ATP8A1: variants seen among roughly 807,000 people sequenced by gnomAD.
ATP8A1 encodes the protein ATPase phospholipid transporting 8A1.
A neutral mutation model predicts 177.7 loss-of-function variants in ATP8A1; 90 were observed. The observed-to-expected ratio is 0.51, with a 90% CI of 0.43 to 0.60. ATP8A1 has a LOEUF of 0.60. ATP8A1 is among the 20% of genes least tolerant of loss of function. The probability of loss-of-function intolerance (pLI) is 0.00; values close to 1 mark genes in which losing one functional copy is unlikely to be tolerated. For missense variants in ATP8A1, 1,072 were observed against 1,392.8 expected, an observed-to-expected ratio of 0.77 and a Z score of 3.67; for synonymous variants, 493 against 485.9, an observed-to-expected ratio of 1.01 and a Z score of -0.19.
At chr4:42,561,613 A>G (rs1218454297) in intron 15 of ATP8A1, 1 of 152,244 alleles carries the variant, frequency 6.6e-6, no homozygotes, top group East Asian at 1.9e-4. Flanking sequence ...GAATTGGATG[A>G]GGTCTGTCTC....
intron 23 of ATP8A1, among the ~76,000 whole-genome samples, chr4:42,505,832 G>A (rs1724306513): frequency 6.6e-6 from 1 of 152,122 alleles, no homozygotes; most frequent in Non-Finnish European, 1.5e-5. Flanking sequence ...GTGGAGTTTT[G>A]TATGTAATAT....
chr4:42,642,321 G>T (rs1328040310), intron 1 of ATP8A1, among the ~76,000 whole-genome samples: 1 of 152,184 alleles, frequency 6.6e-6, no homozygotes, highest in African/African-American at 2.4e-5. Flanking sequence ...GAGAATGGGT[G>T]TGGCTCTGGG....
intron 22 of ATP8A1, among the ~76,000 whole-genome samples, chr4:42,507,780 T>TTA (rs1724557433): frequency 5.6e-5 from 1 of 17,700 alleles, no homozygotes. Flanking sequence ...ACAGGCATTC[T>TTA]AAAAAAAAAA....
intron 7 of ATP8A1, 106 bp downstream of exon 7, chr4:42,590,705 T>C: frequency 1.9e-6 from 2 of 1,033,104 alleles, no homozygotes; most frequent in Non-Finnish European, 2.9e-6. Context: ...AAAGTTTGTG[T>C]TTTAAAGGAA....
intron 1 of ATP8A1, among the ~76,000 whole-genome samples, chr4:42,642,767 A>T (rs1740138358): frequency 6.6e-6 from 1 of 152,190 alleles, no homozygotes; most frequent in African/African-American, 2.4e-5. Flanking sequence ...TGCTACTACT[A>T]CTAATTAGAA....
intron 15 of ATP8A1, among the ~76,000 whole-genome samples, chr4:42,567,689 A>G (rs996407435): frequency 7.2e-5 from 11 of 152,240 alleles, no homozygotes. Flanking sequence ...GGAGTTACCT[A>G]GTTTAGAATA....
intron 4 of ATP8A1, among the ~76,000 whole-genome samples, chr4:42,623,490 T>A (rs892339659): frequency 2.6e-5 from 4 of 152,156 alleles, no homozygotes; most frequent in Non-Finnish European, 5.9e-5. Context: ...GCGGTACATA[T>A]ACACCACGGA....
intron 5 of ATP8A1, among the ~76,000 whole-genome samples, chr4:42,615,261 A>C (rs778801164): frequency 6.6e-6 from 1 of 152,210 alleles, no homozygotes; most frequent in Non-Finnish European, 1.5e-5. Context: ...GGTGAAAAAG[A>C]AGCAGGGAAT....
chr4:42,455,420 C>G lies in ATP8A1; in HGVS notation c.2695-1G>C. 5.6e-6 allele frequency: 9 copies of G among 1,613,862 alleles called. No homozygotes were observed. The highest frequency in any genetic ancestry group is 7.6e-6 in the Non-Finnish European group (9 of 1,179,790). On this transcript the variant is annotated splice_acceptor_variant, in intron 28 of 36. Transcript: ENST00000381668. LOFTEE classifies it high-confidence loss of function. ...TTAAAGGAGGCATTGCTGTAAACAT[C>G]TAAAGCGCACAAACTGGTCATTATG...
intron 25 of ATP8A1, among the ~76,000 whole-genome samples, chr4:42,484,592 TATAAAAAGC>T (rs1312672250): frequency 6.6e-6 from 1 of 152,168 alleles, no homozygotes; most frequent in East Asian, 1.9e-4. Flanking sequence ...ACAAAAGAGG[TATAAAAAGC>T]ATAACTTTAT....
chr4:42,559,444 G>A (rs922610557), intron 15 of ATP8A1, among the ~76,000 whole-genome samples: 18 of 152,292 alleles, frequency 1.2e-4, no homozygotes, highest in African/African-American at 3.9e-4. Context: ...AAATTTAAAT[G>A]TATCATTGTG....
rs77492633 is a variant in ATP8A1 at position 42,512,092 on chromosome 4, G to T, written c.1948-4938C>A. Among the ~76,000 whole-genome samples, 31 of 152,340 alleles carry T rather than the reference G, an allele frequency of 2.0e-4. No homozygotes were observed. The East Asian group carries it at 5.2e-3, about 26-fold the overall frequency. On this transcript the variant is annotated intron_variant, in intron 22 of 36. Coordinates refer to ENST00000381668, the MANE Select transcript of ATP8A1 (RefSeq NM_006095.2). ...GAAAAATTGTACCAGGCACTGCTAA[G>T]TGCTTTACATTTAGTAATTCAGTTA...
chr4:42,486,541 C>T (rs528742985), intron 24 of ATP8A1, among the ~76,000 whole-genome samples: 27 of 152,254 alleles, frequency 1.8e-4, no homozygotes, highest in Admixed American at 1.6e-3. Flanking sequence ...ACTTTTTACA[C>T]GACCATGCAA....
chr4:42,637,149 G>A (rs746909052), intron 1 of ATP8A1: 15 of 518,798 alleles, frequency 2.9e-5, no homozygotes, highest in East Asian at 5.4e-5. Flanking sequence ...TACCTCAACC[G>A]CTAGCTGGCT....
At chr4:42,494,809 A>G (rs1723099496) in intron 24 of ATP8A1, among the ~76,000 whole-genome samples, 1 of 152,210 alleles carries the variant, frequency 6.6e-6, no homozygotes, top group Non-Finnish European at 1.5e-5. Flanking sequence ...GACCACATCA[A>G]TGTATGTATT....
At chr4:42,503,413 T>G (rs567652036) in intron 24 of ATP8A1, 37 bp downstream of exon 24, 90 of 1,208,122 alleles carry the variant, frequency 7.4e-5, no homozygotes, top group Non-Finnish European at 9.5e-5. Flanking sequence ...ATGAATATAT[T>G]ATTAAAGGAG....
Position 42,444,564 on chromosome 4 carries a change from A to T in ATP8A1, c.3015+14T>A, listed in dbSNP as rs752279050. ...AATGTGACATTTCTTGGTTGTGGTT[A>T]GATATTTTCTTACCCATGTCCAATA... On this transcript the variant is annotated intron_variant, in intron 32 of 36. Transcript: ENST00000381668. 13 of 1,611,012 alleles carry T rather than the reference A, an allele frequency of 8.1e-6. No homozygotes were observed. The South Asian group carries it at 1.4e-4, about 18-fold the overall frequency.
intron 33 of ATP8A1, among the ~76,000 whole-genome samples, chr4:42,426,711 G>A (rs145495772): frequency 8.1e-4 from 123 of 152,278 alleles, no homozygotes; most frequent in African/African-American, 2.9e-3. Flanking sequence ...GAGCTTCATG[G>A]AAGCAAATTT....
chr4:42,609,257 T>C (rs1381584943), intron 5 of ATP8A1, among the ~76,000 whole-genome samples: 2 of 152,054 alleles, frequency 1.3e-5, no homozygotes, highest in Non-Finnish European at 2.9e-5. Flanking sequence ...CTACAGAAAC[T>C]CTAGGTGTGA....
Sources: allele counts gnomAD v4.1 joint callset (sites outside exome capture counted in the v4.1 genomes callset), GRCh38; gene constraint gnomAD v4.1.1; transcripts MANE v1.5; gene names NCBI Gene and HGNC (gene_info 2026-07-23, HGNC 2026-07-21).